Variants in PECAM1 observed in about 807,000 individuals in gnomAD.
PECAM1 encodes platelet and endothelial cell adhesion molecule 1.
A neutral mutation model predicts 13.8 loss-of-function variants in PECAM1; 8 were observed. The ratio of observed to expected loss-of-function variants is 0.58; its 90% CI spans 0.34 to 1.05. PECAM1 has a LOEUF of 1.05. PECAM1 is among the 50% of genes least tolerant of loss of function. PECAM1 has a pLI of 0.03. For synonymous variants in PECAM1, 136 were observed against 52.6 expected, an observed-to-expected ratio of 2.58 and a Z score of -6.86; for missense variants, 304 against 141.2, an observed-to-expected ratio of 2.15 and a Z score of -5.84.
At chr17:64,333,490 C>T (rs1287325488) in intron 14 of PECAM1, among the ~76,000 whole-genome samples, 3 of 152,030 alleles carry the variant, frequency 2.0e-5, no homozygotes, top group Middle Eastern at 3.4e-3. Flanking sequence ...TGTGCATTGT[C>T]GCATGTTTAG....
chr17:64,326,982 A>G (rs12947510), intron 15 of PECAM1, among the ~76,000 whole-genome samples: 10,820 of 152,308 alleles, frequency 0.071, 485 homozygotes, highest in Non-Finnish European at 0.11. Flanking sequence ...CAACCCTTGC[A>G]ACAACCAAGT....
intron 2 of PECAM1, among the ~76,000 whole-genome samples, chr17:64,382,632 A>G (rs2036505527): frequency 6.6e-6 from 1 of 152,100 alleles, no homozygotes; most frequent in African/African-American, 2.4e-5. Context: ...ATCCCGCCTC[A>G]GCCTCCCCAA....
intron 3 of PECAM1, chr17:64,377,506 G>C (rs1254981934): frequency 1.8e-5 from 3 of 165,844 alleles, no homozygotes; most frequent in African/African-American, 7.2e-5. Context: ...AATTACTTGG[G>C]AGGCTGAGGC....
rs1447333227 is a variant in PECAM1, at chr17:64,375,293, A to G, written c.449T>C (p.Val150Ala). The G allele has an allele frequency of 2.1e-6, 1 of 474,868 alleles. No individual in the cohort carries two copies. Among genetic ancestry groups the G allele is most frequent in the Non-Finnish European group, 3.9e-6 (1 of 258,976 alleles). 29.4% of individuals were successfully genotyped at this position (474,868 alleles called of 1,614,324 possible). Residue 150 changes from valine to alanine, a missense_variant, in exon 4 of 16, where the codon GTC (valine) becomes GCC (alanine). Val to Ala is a moderately conservative substitution (Grantham distance 64). Transcript: ENST00000563924. Reference sequence around the variant, plus strand: ...CTTTTCCTCTGGGACAGAACAGTTGACCCTCACGATCCCACCTTGGATGGC... The same window carrying G: ...CTTTTCCTCTGGGACAGAACAGTTGGCCCTCACGATCCCACCTTGGATGGC... ...KEAIQGGIVRVNCSVPEEKAP... is the reference protein window; with the variant it reads ...KEAIQGGIVRANCSVPEEKAP...
intron 5 of PECAM1, among the ~76,000 whole-genome samples, chr17:64,369,215 T>C (rs2036182926): frequency 6.6e-6 from 1 of 152,118 alleles, no homozygotes; most frequent in Admixed American, 6.6e-5. Context: ...ATTACAGACG[T>C]GAGCCACCAT....
intron 15 of PECAM1, among the ~76,000 whole-genome samples, chr17:64,328,278 C>T (rs781984257): frequency 4.3e-4 from 63 of 145,762 alleles, no homozygotes; most frequent in Non-Finnish European, 7.9e-4. Context: ...ATCTGTGTCC[C>T]GCACTGCCCA....
chr17:64,356,776 G>A (rs1447824583), intron 7 of PECAM1, among the ~76,000 whole-genome samples: 1 of 152,238 alleles, frequency 6.6e-6, no homozygotes, highest in African/African-American at 2.4e-5. Flanking sequence ...ACAGGCATAA[G>A]CCACCATGCC....
At chr17:64,387,142 G>T (rs1478368855) in intron 2 of PECAM1, among the ~76,000 whole-genome samples, 1 of 152,176 alleles carries the variant, frequency 6.6e-6, no homozygotes, top group African/African-American at 2.4e-5. Flanking sequence ...GATGGAAAAG[G>T]TCAAGGAGCG....
intron 11 of PECAM1, among the ~76,000 whole-genome samples, chr17:64,350,684 C>T (rs1245684683): frequency 6.7e-6 from 1 of 148,570 alleles, no homozygotes; most frequent in Non-Finnish European, 1.5e-5. Context: ...CTCTGTCACC[C>T]AGGCTGGAGT....
chr17:64,355,145 A>G (rs2143790626), intron 8 of PECAM1, 105 bp from the exon 9 acceptor site: 1 of 409,102 alleles, frequency 2.4e-6, no homozygotes, highest in East Asian at 3.6e-5. Context: ...TGATTCTCAC[A>G]GCTCTTGTAA....
At chr17:64,382,044 G>C (rs2036492930) in intron 2 of PECAM1, among the ~76,000 whole-genome samples, 1 of 152,186 alleles carries the variant, frequency 6.6e-6, no homozygotes, top group Non-Finnish European at 1.5e-5. Context: ...AGGTTGCAGT[G>C]AGCCAAGGTC....
intron 5 of PECAM1, among the ~76,000 whole-genome samples, chr17:64,367,419 G>C (rs1338742628): frequency 1.3e-5 from 2 of 151,920 alleles, no homozygotes; most frequent in Non-Finnish European, 2.9e-5. Context: ...GTGTGGTGGT[G>C]CATGCCTATA....
At chr17:64,344,597 G>A (rs1268840684) in intron 13 of PECAM1, among the ~76,000 whole-genome samples, 3 of 151,970 alleles carry the variant, frequency 2.0e-5, no homozygotes, top group Non-Finnish European at 4.4e-5. Context: ...CTCCTCCATA[G>A]GAGGAGGAAG....
At position 64,321,523 on chromosome 17, in the gene PECAM1, CAAG is replaced by C. The variant is rs1245043623; in HGVS notation, c.*2290_*2292del. The C allele has an allele frequency of 5.9e-6, 5 of 850,226 alleles. No individual in the cohort carries two copies. The highest frequency in any genetic ancestry group is 5.5e-5 in the African/African-American group (3 of 54,702). 52.7% of individuals were successfully genotyped at this position (850,226 alleles called of 1,614,324 possible). A position where few individuals can be genotyped will look rare whatever the true frequency, so the allele number is the denominator to read the frequency against. ...CTGCAATCCCAGCACTTTGCGAGGC[CAAG>C]GAGGGAGGATCACTTGAGCCCAGAA... On this transcript the variant is annotated 3_prime_UTR_variant, in exon 16 of 16. Transcript: ENST00000563924.
chr17:64,334,618 C>T (rs2035219846), intron 14 of PECAM1, among the ~76,000 whole-genome samples: 1 of 152,082 alleles, frequency 6.6e-6, no homozygotes, highest in Admixed American at 6.6e-5. Flanking sequence ...ACACCATTCT[C>T]CTGCCTCAGC....
Position 64,321,660 on chromosome 17 carries a change from C to T in PECAM1, c.*2156G>A. The T allele has an allele frequency of 1.7e-6, 1 of 576,702 alleles. No homozygotes were observed. The highest frequency in any genetic ancestry group is 4.6e-5 in the Admixed American group (1 of 21,948). 35.7% of individuals were successfully genotyped at this position (576,702 alleles called of 1,614,324 possible). A position where few individuals can be genotyped will look rare whatever the true frequency, so the allele number is the denominator to read the frequency against. ...CCTCTGGTCCCAGCTACCCAGGAAG[C>T]TGAGATGGGAGGATCGCTTGAGCCC... On this transcript the variant is annotated 3_prime_UTR_variant, in exon 16 of 16. Coordinates refer to ENST00000563924, the MANE Select transcript of PECAM1 (RefSeq NM_000442.5).
At chr17:64,361,209 A>C (rs1169695651) in intron 6 of PECAM1, among the ~76,000 whole-genome samples, 1 of 148,276 alleles carries the variant, frequency 6.7e-6, no homozygotes, top group Non-Finnish European at 1.5e-5. Context: ...GCAATGGCGC[A>C]ATCTCAGCTG....
chr17:64,342,826 C>T (rs927014445), intron 13 of PECAM1, among the ~76,000 whole-genome samples: 23 of 152,262 alleles, frequency 1.5e-4, no homozygotes, highest in South Asian at 1.0e-3. Context: ...CATATACACA[C>T]GCACACTCAT....
At chr17:64,349,551 G>A (rs1440292740) in intron 12 of PECAM1, among the ~76,000 whole-genome samples, 3 of 145,188 alleles carry the variant, frequency 2.1e-5, no homozygotes, top group Admixed American at 7.1e-5. Context: ...TTGTGCCACC[G>A]TACTCCAGCT....
Sources: allele counts gnomAD v4.1 joint callset (sites outside exome capture counted in the v4.1 genomes callset), GRCh38; gene constraint gnomAD v4.1.1; transcripts MANE v1.5; gene names NCBI Gene and HGNC (gene_info 2026-07-23, HGNC 2026-07-21).